The following AFF1 variants were observed in gnomAD, a reference collection of about 807,000 sequenced individuals.
The protein encoded by AFF1 is AF4/FMR2 family member 1.
AFF1 carries 48 observed loss-of-function variants against 121.7 expected under a neutral mutation model. The observed-to-expected ratio is 0.39, with a 90% confidence interval of 0.31 to 0.50. The LOEUF (loss-of-function observed/expected upper bound fraction) is 0.50. AFF1 is among the 20% of genes least tolerant of loss of function. The pLI, the probability that AFF1 is intolerant of heterozygous loss-of-function variation, is 0.76. For synonymous variants in AFF1, 613 were observed against 563.0 expected (o/e 1.09, Z -1.26); for missense variants, 1,523 against 1,511.7 (o/e 1.01, Z -0.12).
At chr4:86,949,935 G>GCCGCAGGTC (rs1721181069) in intron 2 of AFF1, 1 of 1,614,044 alleles carries the variant, frequency 6.2e-7, no homozygotes. Context: ...GACCCAGCGG[G>GCCGCAGGTC]CCGCAGGTCC....
At chr4:86,958,014 C>G (rs977095252) in intron 2 of AFF1, among the ~76,000 whole-genome samples, 1 of 151,950 alleles carries the variant, frequency 6.6e-6, no homozygotes, top group Non-Finnish European at 1.5e-5. Context: ...AATACATACC[C>G]GTCTCACACC....
intron 2 of AFF1, chr4:86,949,520 TA>T (rs1248942267): frequency 5.8e-5 from 16 of 276,098 alleles, no homozygotes; most frequent in Admixed American, 2.2e-4. Context: ...TTCTATTTAT[TA>T]ATTATTATTA....
intron 2 of AFF1, among the ~76,000 whole-genome samples, chr4:86,993,572 T>G (rs930672768): frequency 1.3e-5 from 2 of 152,222 alleles, no homozygotes; most frequent in African/African-American, 4.8e-5. Context: ...TGGACACTTG[T>G]CTTTGAGAGT....
chr4:86,949,233 G>A lies in AFF1; in HGVS notation c.38+662G>A, dbSNP rs150674775. ...TCTGTTGCCCAGGCTGGAGTGCAGT[G>A]GTGTGACCTCAGTTCACTGCAGCCT... On this transcript the variant is annotated intron_variant, in intron 2 of 20. Transcript: ENST00000395146. Among the ~76,000 whole-genome samples the A allele has an allele frequency of 1.7e-3, 250 of 147,780 alleles. 1 individual carries two copies. Among genetic ancestry groups the A allele is most frequent in the African/African-American group, 6.0e-3 (240 of 40,294 alleles).
At chr4:86,950,993 T>C (rs1721262175) in intron 2 of AFF1, among the ~76,000 whole-genome samples, 1 of 152,230 alleles carries the variant, frequency 6.6e-6, no homozygotes, top group South Asian at 2.1e-4. Context: ...AATCAGAACT[T>C]GTAAGCTGGT....
rs538994812 is a variant in AFF1, at chr4:87,123,758, C to T, written c.2467-1279C>T. Reference sequence around the variant, plus strand: ...TGTCTGGGCAGATTTGGAGCCTACACATCTTAAATTATTCATTTTTCTTAA... The same window carrying T: ...TGTCTGGGCAGATTTGGAGCCTACATATCTTAAATTATTCATTTTTCTTAA... On this transcript the variant is annotated intron_variant, in intron 12 of 20. Coordinates refer to ENST00000395146, the MANE Select transcript of AFF1 (RefSeq NM_001166693.3). 3.9e-5 allele frequency among the ~76,000 whole-genome samples: 6 copies of T among 152,250 alleles called. No homozygotes were observed. The South Asian group carries it at 1.2e-3, about 32-fold the overall frequency.
At chr4:87,064,696 G>T (rs1392512645) in intron 4 of AFF1, among the ~76,000 whole-genome samples, 1 of 151,978 alleles carries the variant, frequency 6.6e-6, no homozygotes, top group African/African-American at 2.4e-5. Flanking sequence ...CTGGGCAACA[G>T]GGTGAAACCC....
chr4:87,120,755 G>T (rs949082073), intron 12 of AFF1, among the ~76,000 whole-genome samples: 1 of 152,162 alleles, frequency 6.6e-6, no homozygotes, highest in Non-Finnish European at 1.5e-5. Flanking sequence ...TCCTGCAGAT[G>T]CTCCCATCTT....
intron 4 of AFF1, among the ~76,000 whole-genome samples, chr4:87,081,213 C>T (rs1267723609): frequency 8.1e-6 from 1 of 123,678 alleles, no homozygotes; most frequent in East Asian, 2.7e-4. Flanking sequence ...CCAGGCTGGA[C>T]TACAGTGGCC....
At chr4:86,971,004 G>C (rs1335903509) in intron 2 of AFF1, among the ~76,000 whole-genome samples, 2 of 152,222 alleles carry the variant, frequency 1.3e-5, no homozygotes. Context: ...AAAGCCATTT[G>C]AGGGTTCCAT....
chr4:87,032,145 GT>G (rs1729143194), intron 2 of AFF1, among the ~76,000 whole-genome samples: 1 of 152,210 alleles, frequency 6.6e-6, no homozygotes, highest in Non-Finnish European at 1.5e-5. Context: ...ATGACTTACT[GT>G]TTAGCTTTAA....
chr4:86,947,811 T>G (rs1016438047), intron 1 of AFF1, among the ~76,000 whole-genome samples: 5 of 63,456 alleles, frequency 7.9e-5, no homozygotes, highest in Non-Finnish European at 1.3e-4. Flanking sequence ...TTATTTCGGT[T>G]TTTGTTTGTT....
At chr4:87,028,905 A>G (rs531995004) in intron 2 of AFF1, among the ~76,000 whole-genome samples, 5 of 152,130 alleles carry the variant, frequency 3.3e-5, no homozygotes, top group African/African-American at 1.2e-4. Context: ...ATTGTCCCCA[A>G]AGGAGGTGCC....
At chr4:86,940,794 T>C (rs116101711) in intron 1 of AFF1, among the ~76,000 whole-genome samples, 1 of 152,028 alleles carries the variant, frequency 6.6e-6, no homozygotes, top group African/African-American at 2.4e-5. Context: ...CATTAGAACC[T>C]GTGAAGGGAG....
At chr4:87,024,409 GCGTTAGCCT>G (rs1237865931) in intron 2 of AFF1, among the ~76,000 whole-genome samples, 1 of 152,158 alleles carries the variant, frequency 6.6e-6, no homozygotes, top group African/African-American at 2.4e-5. Context: ...GTGTTTCCCA[GCGTTAGCCT>G]CTGGGAAGTA....
chr4:87,009,852 A>G (rs1726554761), intron 2 of AFF1, among the ~76,000 whole-genome samples: 2 of 152,224 alleles, frequency 1.3e-5, no homozygotes, highest in Admixed American at 6.5e-5. Flanking sequence ...ACCATGTACT[A>G]CTACACATTA....
intron 2 of AFF1, among the ~76,000 whole-genome samples, chr4:86,981,992 C>T (rs1723790893): frequency 6.6e-6 from 1 of 152,092 alleles, no homozygotes; most frequent in East Asian, 1.9e-4. Flanking sequence ...GGAAATTCGC[C>T]AACAGAGATC....
intron 5 of AFF1, among the ~76,000 whole-genome samples, chr4:87,084,544 T>A (rs1279159689): frequency 7.0e-6 from 1 of 142,256 alleles, no homozygotes; most frequent in Non-Finnish European, 1.5e-5. Context: ...GTTGAAACTA[T>A]GTCTCCAATA....
chr4:86,982,388 C>CTTT lies in AFF1; in HGVS notation c.38+33844_38+33846dup, dbSNP rs70953632. On this transcript the variant is annotated intron_variant, in intron 2 of 20. Coordinates refer to ENST00000395146, the MANE Select transcript of AFF1 (RefSeq NM_001166693.3). ...GCGCTGTTCAAAGAAAAAAAATTGGCTTTTTTTTTTTTTTTTTTTTTTTTT... is the reference window on the plus strand; with the variant it reads ...GCGCTGTTCAAAGAAAAAAAATTGGCTTTTTTTTTTTTTTTTTTTTTTTTTTTT... 4.5e-3 allele frequency among the ~76,000 whole-genome samples: 263 copies of CTTT among 58,582 alleles called. 10 individuals carry two copies. The highest frequency in any genetic ancestry group is 9.7e-3 in the African/African-American group (166 of 17,030). The allele number at this position is 58,582 out of a possible 152,430, so 38.4% of individuals were successfully genotyped here.
Sources: allele counts gnomAD v4.1 joint callset (sites outside exome capture counted in the v4.1 genomes callset), GRCh38; gene constraint gnomAD v4.1.1; transcripts MANE v1.5; gene names NCBI Gene and HGNC (gene_info 2026-07-23, HGNC 2026-07-21).